SLC4A10: variants seen among roughly 807,000 people sequenced by gnomAD.
SLC4A10 encodes the protein sodium-driven chloride bicarbonate exchanger.
In SLC4A10, 42 loss-of-function variants were observed where a neutral mutation model predicts 137.7. That is an observed-to-expected ratio of 0.30 (90% CI 0.24 to 0.39). The LOEUF (loss-of-function observed/expected upper bound fraction) is 0.39, where lower values mean the gene tolerates loss of function less well. SLC4A10 is among the 10% of genes least tolerant of loss of function. The probability of loss-of-function intolerance (pLI) is 1.00; values close to 1 mark genes in which losing one functional copy is unlikely to be tolerated. For synonymous variants in SLC4A10, 474 were observed against 464.1 expected (o/e 1.02, Z -0.27); for missense variants, 925 against 1,355.0 (o/e 0.68, Z 4.98).
chr2:161,665,687 A>T lies in SLC4A10; in HGVS notation c.48+41121A>T, dbSNP rs189266458. 1.5e-3 allele frequency among the ~76,000 whole-genome samples: 231 copies of T among 151,702 alleles called. 1 individual carries two copies. The highest frequency in any genetic ancestry group is 4.5e-3 in the African/African-American group (186 of 41,520). On this transcript the variant is annotated intron_variant, in intron 1 of 26. Coordinates refer to ENST00000446997, the MANE Select transcript of SLC4A10 (RefSeq NM_001178015.2). ...AATATTTATTTTTATTTTCAAAAAT[A>T]TACCTAATTTAAATATAAAAATTAA...
chr2:161,749,510 G>A (rs560655866), intron 1 of SLC4A10, among the ~76,000 whole-genome samples: 244 of 152,000 alleles, frequency 1.6e-3, no homozygotes, highest in African/African-American at 5.6e-3. Context: ...CTATTGAGAT[G>A]ATCATGTGTT....
chr2:161,940,364 G>A (rs1692452490), intron 15 of SLC4A10, among the ~76,000 whole-genome samples: 1 of 152,006 alleles, frequency 6.6e-6, no homozygotes, highest in African/African-American at 2.4e-5. Context: ...AGATATTGGG[G>A]CTCCCTTCTC....
chr2:161,881,297 A>G (rs950876354), intron 9 of SLC4A10, among the ~76,000 whole-genome samples: 5 of 152,056 alleles, frequency 3.3e-5, no homozygotes, highest in Non-Finnish European at 7.4e-5. Context: ...AGTTTCTTAA[A>G]AAGCTATTAT....
At chr2:161,798,001 T>C (rs1174954307) in intron 2 of SLC4A10, among the ~76,000 whole-genome samples, 2 of 151,486 alleles carry the variant, frequency 1.3e-5, no homozygotes, top group African/African-American at 4.8e-5. Context: ...AACACTGTCT[T>C]TTTCTTTTAG....
At chr2:161,677,691 C>G (rs1382340734) in intron 1 of SLC4A10, among the ~76,000 whole-genome samples, 5 of 152,122 alleles carry the variant, frequency 3.3e-5, no homozygotes, top group African/African-American at 1.2e-4. Flanking sequence ...CATCAGTTAT[C>G]TCATTTAATC....
rs764631785 is a variant in SLC4A10, at chr2:161,839,895, A to G, written c.384A>G (p.Glu128=). 3 of 1,613,924 alleles carry G rather than the reference A, an allele frequency of 1.9e-6. No homozygotes were observed. Among genetic ancestry groups the G allele is most frequent in the Non-Finnish European group, 2.5e-6 (3 of 1,179,820 alleles). ...AACTGGATGAGATTTGTTGGCGTGA[A>G]GGTGAGGACGCTGAGTGGCGAGAAA... ...FTELDEICWR[E]GEDAEWRETA... Residue 128 remains glutamate, a synonymous_variant, in exon 4 of 27, where the codon GAA becomes GAG. Transcript: ENST00000446997.
intron 10 of SLC4A10, among the ~76,000 whole-genome samples, chr2:161,893,785 A>G (rs925441842): frequency 2.6e-5 from 4 of 151,974 alleles, no homozygotes; most frequent in African/African-American, 7.2e-5. Context: ...AAAATTATAC[A>G]GTATAATAAA....
At chr2:161,763,774 A>G (rs2050509816) in intron 1 of SLC4A10, among the ~76,000 whole-genome samples, 1 of 152,176 alleles carries the variant, frequency 6.6e-6, no homozygotes, top group African/African-American at 2.4e-5. Flanking sequence ...GATGTAGTTT[A>G]TAAAGAGAGA....
intron 3 of SLC4A10, among the ~76,000 whole-genome samples, chr2:161,835,113 C>T (rs1203836217): frequency 2.7e-5 from 4 of 150,750 alleles, no homozygotes; most frequent in Non-Finnish European, 4.4e-5. Flanking sequence ...TCTTGGCTCA[C>T]TGCAACCCCC....
intron 1 of SLC4A10, among the ~76,000 whole-genome samples, chr2:161,662,244 T>C (rs946173305): frequency 5.9e-5 from 9 of 152,156 alleles, no homozygotes; most frequent in African/African-American, 2.2e-4. Context: ...TAAGTATTCA[T>C]TTTTTTAAAA....
intron 2 of SLC4A10, among the ~76,000 whole-genome samples, chr2:161,801,079 G>A (rs1399837741): frequency 6.6e-6 from 1 of 151,948 alleles, no homozygotes; most frequent in East Asian, 1.9e-4. Flanking sequence ...GAGAACAAAG[G>A]TAATTTTTAC....
At chr2:161,946,281 A>G (rs1693783545) in intron 16 of SLC4A10, among the ~76,000 whole-genome samples, 1 of 152,028 alleles carries the variant, frequency 6.6e-6, no homozygotes, top group Non-Finnish European at 1.5e-5. Context: ...AGGTGTATTA[A>G]CTATATTTCT....
intron 1 of SLC4A10, among the ~76,000 whole-genome samples, chr2:161,750,350 T>C (rs940543513): frequency 1.3e-5 from 2 of 151,812 alleles, no homozygotes; most frequent in African/African-American, 4.8e-5. Flanking sequence ...TCATTTGAGA[T>C]CTTTCTTCTT....
At chr2:161,894,592 G>A (rs977478997) in intron 10 of SLC4A10, 87 bp from the exon 11 acceptor site, 1 of 621,806 alleles carries the variant, frequency 1.6e-6, no homozygotes, top group African/African-American at 1.9e-5. Context: ...ATAATCACAT[G>A]TGAGATAACT....
intron 2 of SLC4A10, among the ~76,000 whole-genome samples, chr2:161,791,033 T>C (rs1240212808): frequency 1.3e-5 from 2 of 152,186 alleles, no homozygotes; most frequent in Admixed American, 6.5e-5. Flanking sequence ...GTAAATTAGT[T>C]CAACCATTGT....
chr2:161,633,065 T>A (rs2033847268), intron 1 of SLC4A10, among the ~76,000 whole-genome samples: 1 of 151,598 alleles, frequency 6.6e-6, no homozygotes, highest in Non-Finnish European at 1.5e-5. Context: ...TTTACCAGGG[T>A]GCAAAATCTA....
intron 1 of SLC4A10, among the ~76,000 whole-genome samples, chr2:161,675,074 C>T (rs1042183073): frequency 2.6e-5 from 4 of 152,106 alleles, no homozygotes; most frequent in Middle Eastern, 3.2e-3. Context: ...AAATAAAATC[C>T]ATTTCAAGAT....
chr2:161,824,752 A>G (rs1192879292), intron 3 of SLC4A10, among the ~76,000 whole-genome samples: 1 of 152,212 alleles, frequency 6.6e-6, no homozygotes, highest in Non-Finnish European at 1.5e-5. Context: ...GTGCACTGAA[A>G]CTAAAATAAA....
rs532550631 is a variant in SLC4A10 at position 161,901,103 on chromosome 2, G to T, written c.1442+92G>T. On this transcript the variant is annotated intron_variant, in intron 12 of 26. Coordinates refer to ENST00000446997, the MANE Select transcript of SLC4A10 (RefSeq NM_001178015.2). ...TTGCTATTTTGGGATCTAATTTATT[G>T]TATACTTTTAATACCTGCTTTTTGA... 6 of 946,474 alleles carry T rather than the reference G, an allele frequency of 6.3e-6. No homozygotes were observed. In the East Asian group the frequency reaches 1.3e-4, roughly 21 times the overall value. 58.6% of individuals were successfully genotyped at this position (946,474 alleles called of 1,614,324 possible). A position where few individuals can be genotyped will look rare whatever the true frequency, so the allele number is the denominator to read the frequency against.
Sources: allele counts gnomAD v4.1 joint callset (sites outside exome capture counted in the v4.1 genomes callset), GRCh38; gene constraint gnomAD v4.1.1; transcripts MANE v1.5; gene names NCBI Gene and HGNC (gene_info 2026-07-23, HGNC 2026-07-21).